Variants in GOLGA5 observed in about 807,000 individuals in gnomAD.
GOLGA5 encodes the protein golgin subfamily A member 5.
GOLGA5 carries 50 observed loss-of-function variants against 93.5 expected under a neutral mutation model. The observed-to-expected ratio is 0.53, with a 90% CI of 0.43 to 0.68. The LOEUF (loss-of-function observed/expected upper bound fraction) is 0.68, where lower values mean the gene tolerates loss of function less well. Among genes scored for constraint, GOLGA5 ranks in the 30% least tolerant of loss-of-function variants. The pLI, the probability that GOLGA5 is intolerant of heterozygous loss-of-function variation, is 0.00. For synonymous variants in GOLGA5, 312 were observed against 304.5 expected (o/e 1.02, Z -0.26); for missense variants, 760 against 856.4 (o/e 0.89, Z 1.40).
At chr14:92,815,823 C>A (rs1377251618) in intron 6 of GOLGA5, among the ~76,000 whole-genome samples, 1 of 151,594 alleles carries the variant, frequency 6.6e-6, no homozygotes, top group African/African-American at 2.4e-5. Context: ...TCTGCCTCAG[C>A]CTCCCTAGTA....
At chr14:92,798,669 A>T (rs1221155825) in intron 2 of GOLGA5, among the ~76,000 whole-genome samples, 1 of 152,230 alleles carries the variant, frequency 6.6e-6, no homozygotes, top group Non-Finnish European at 1.5e-5. Context: ...TAATCCGAGC[A>T]CTTTGGAACG....
rs541378166 is a variant in GOLGA5 at position 92,835,634 on chromosome 14, G to T, written c.2021G>T (p.Arg674Leu). The change falls in exon 11 of 13, where the codon CGC becomes CTC. Residue 674 changes from arginine to leucine, a missense_variant. Coordinates refer to ENST00000163416, the MANE Select transcript of GOLGA5 (RefSeq NM_005113.4). ...CTGGCAGGAATGTACGGAAAAGTTCGCAAAGCTGCTAGTTCAATTGATCAG... is the reference window on the plus strand; with the variant it reads ...CTGGCAGGAATGTACGGAAAAGTTCTCAAAGCTGCTAGTTCAATTGATCAG... ...TNLAGMYGKV[R>L]KAASSIDQFS... 1 of 1,611,702 alleles carries T rather than the reference G, an allele frequency of 6.2e-7. No individual in the cohort carries two copies. Among genetic ancestry groups the T allele is most frequent in the Non-Finnish European group, 8.5e-7 (1 of 1,178,016 alleles).
chr14:92,816,887 T>C (rs1766584692), intron 7 of GOLGA5, among the ~76,000 whole-genome samples: 1 of 151,914 alleles, frequency 6.6e-6, no homozygotes, highest in Admixed American at 6.6e-5. Context: ...TTTCTTTCTT[T>C]CTTTCCTTTC....
At position 92,809,406 on chromosome 14, in the gene GOLGA5, T is replaced by C; in HGVS notation, c.879T>C (p.Ala293=). 6.2e-7 allele frequency: 1 copy of C among 1,613,752 alleles called. No homozygotes were observed. The highest frequency in any genetic ancestry group is 8.5e-7 in the Non-Finnish European group (1 of 1,179,684). Residue 293 remains alanine (A), a synonymous_variant, in exon 4 of 13, where the codon GCT becomes GCC. Coordinates refer to ENST00000163416, the MANE Select transcript of GOLGA5 (RefSeq NM_005113.4). Reference sequence around the variant, plus strand: ...CCCAAGTAGATGACCTGACTGAAGCTGTGGCTGCAAAGGATTCCCAGCTGG... The same window carrying C: ...CCCAAGTAGATGACCTGACTGAAGCCGTGGCTGCAAAGGATTCCCAGCTGG... The part of the protein sequence containing the change: ...LRAQVDDLTE[A]VAAKDSQLAV...
chr14:92,838,281 G>A (rs1270397358), intron 12 of GOLGA5, among the ~76,000 whole-genome samples: 1 of 152,100 alleles, frequency 6.6e-6, no homozygotes, highest in African/African-American at 2.4e-5. Flanking sequence ...ATGAAAATGG[G>A]CTGTTTTCTT....
At chr14:92,821,169 T>C (rs1885309834) in intron 8 of GOLGA5, among the ~76,000 whole-genome samples, 1 of 152,220 alleles carries the variant, frequency 6.6e-6, no homozygotes, top group African/African-American at 2.4e-5. Context: ...AAACATATTA[T>C]ATTCATCAGT....
At chr14:92,823,005 G>A (rs1205164574) in intron 8 of GOLGA5, among the ~76,000 whole-genome samples, 3 of 152,008 alleles carry the variant, frequency 2.0e-5, no homozygotes, top group African/African-American at 7.3e-5. Flanking sequence ...TTTCTACCAA[G>A]GCTTCTGGAT....
At position 92,797,678 on chromosome 14, in the gene GOLGA5, A is replaced by G; in HGVS notation, c.241A>G (p.Thr81Ala). Residue 81 changes from threonine to alanine, a missense_variant, in exon 2 of 13, where the codon ACT becomes GCT. Physicochemically the swap from Thr to Ala is moderately conservative, Grantham distance 58 (BLOSUM62 0). Transcript: ENST00000163416. ...RNQKATILAG[T>A]ANVKVGSRTP... ...TCAAAAAGCCACCATCTTAGCTGGCACTGCAAATGTGAAAGTAGGATCTCG... is the reference window on the plus strand; with the variant it reads ...TCAAAAAGCCACCATCTTAGCTGGCGCTGCAAATGTGAAAGTAGGATCTCG... The G allele has an allele frequency of 6.2e-7, 1 of 1,614,126 alleles. No homozygotes were observed. The highest frequency in any genetic ancestry group is 8.5e-7 in the Non-Finnish European group (1 of 1,179,922).
rs1885720882 is a variant in GOLGA5, at chr14:92,839,803, C to T, written c.*357C>T. The T allele has an allele frequency of 5.7e-6, 1 of 175,942 alleles. No individual in the cohort carries two copies. Among genetic ancestry groups the T allele is most frequent in the Non-Finnish European group, 9.4e-6 (1 of 106,004 alleles). 10.9% of individuals were successfully genotyped at this position (175,942 alleles called of 1,614,324 possible). Reference sequence around the variant, plus strand: ...CAGGGAAACTAATTGTATTTAGTGACAAAAATAAAAAGTTTTTTTTTATAA... The same window carrying T: ...CAGGGAAACTAATTGTATTTAGTGATAAAAATAAAAAGTTTTTTTTTATAA... On this transcript the variant is annotated 3_prime_UTR_variant, in exon 13 of 13. Transcript: ENST00000163416.
At chr14:92,816,872 G>GTTTC (rs34176729) in intron 7 of GOLGA5, among the ~76,000 whole-genome samples, 549 of 152,186 alleles carry the variant, frequency 3.6e-3, no homozygotes, top group Middle Eastern at 0.017. Context: ...AAAGCAGTAG[G>GTTTC]TTTCTTTCTT....
rs1249174208 is a variant in GOLGA5, at chr14:92,824,654, A to AC, written c.1719+11dup. The AC allele has an allele frequency of 7.3e-7, 1 of 1,361,262 alleles. No homozygotes were observed. Among genetic ancestry groups the AC allele is most frequent in the East Asian group, 2.3e-5 (1 of 42,570 alleles). The allele number at this position is 1,361,262 out of a possible 1,614,324, so 84.3% of individuals were successfully genotyped here. A position where few individuals can be genotyped will look rare whatever the true frequency, so the allele number is the denominator to read the frequency against. ...AAAACTCAGGAATCAGGTATGAATC[A>AC]CTATTCACAACTTGTGAAAAGATGC... is the stretch of plus-strand genomic sequence containing the variant. On this transcript the variant is annotated intron_variant, in intron 9 of 12. Transcript: ENST00000163416.
chr14:92,816,232 ATTTC>A lies in GOLGA5; in HGVS notation c.1321-16_1321-13del, dbSNP rs769674355. ...ACTAATCTCTGCTTTGCTTAAACAT[ATTTC>A]TTCTTTTATAATAGTCTAAGGAAAA... On this transcript the variant is annotated splice_polypyrimidine_tract_variant and intron_variant, in intron 6 of 12. Coordinates refer to ENST00000163416, the MANE Select transcript of GOLGA5 (RefSeq NM_005113.4). 5.6e-5 allele frequency: 87 copies of A among 1,558,356 alleles called. 2 individuals are homozygous for A. The South Asian group carries it at 5.8e-4, about 10-fold the overall frequency.
At position 92,824,591 on chromosome 14, in the gene GOLGA5, T is replaced by C. The variant is rs1258324902; in HGVS notation, c.1666T>C (p.Leu556=). ...AGATCTTTATCGAACAAAGAACACA[T>C]TGCAAAGCAGAATTAAAGATCGAGA... ...EEDLYRTKNT[L]QSRIKDRDEE... Residue 556 remains leucine (L), a synonymous_variant, in exon 9 of 13, where the codon TTG becomes CTG. Coordinates refer to ENST00000163416, the MANE Select transcript of GOLGA5 (RefSeq NM_005113.4). The C allele has an allele frequency of 1.2e-6, 2 of 1,606,606 alleles. No homozygotes were observed. The highest frequency in any genetic ancestry group is 1.7e-6 in the Non-Finnish European group (2 of 1,174,818).
At chr14:92,832,518 A>G (rs1050777899) in intron 9 of GOLGA5, among the ~76,000 whole-genome samples, 17 of 152,236 alleles carry the variant, frequency 1.1e-4, no homozygotes, top group African/African-American at 3.9e-4. Flanking sequence ...TCCTAGGACA[A>G]CTATCATTTA....
At chr14:92,806,201 G>C (rs991363786) in intron 2 of GOLGA5, among the ~76,000 whole-genome samples, 12 of 152,154 alleles carry the variant, frequency 7.9e-5, no homozygotes, top group Admixed American at 7.9e-4. Flanking sequence ...GTGTTGTACT[G>C]TCTGTTGTCA....
chr14:92,810,264 G>T lies in GOLGA5; in HGVS notation c.1003G>T (p.Asp335Tyr). 6.2e-7 allele frequency: 1 copy of T among 1,602,878 alleles called. No individual in the cohort carries two copies. Among genetic ancestry groups the T allele is most frequent in the African/African-American group, 1.3e-5 (1 of 74,518 alleles). Residue 335 changes from aspartate (D) to tyrosine (Y), a missense_variant, in exon 5 of 13, where the codon GAT becomes TAT. Physicochemically the swap from Asp to Tyr is radical, Grantham distance 160 (BLOSUM62 -3). Coordinates refer to ENST00000163416, the MANE Select transcript of GOLGA5 (RefSeq NM_005113.4). ...TGCATTTTCCTTTAGAATAATGCAG[G>T]ATCAAAGTGAAGGTAACAGCCTGCA... ...LQSEKSRIMQDQSEGNSLQNQ... is the reference protein window; with the variant it reads ...LQSEKSRIMQYQSEGNSLQNQ...
intron 9 of GOLGA5, among the ~76,000 whole-genome samples, chr14:92,825,295 CTT>C (rs1885395070): frequency 6.6e-6 from 1 of 152,082 alleles, no homozygotes; most frequent in African/African-American, 2.4e-5. Context: ...TAATTTTGGT[CTT>C]TTAAGTTTCC....
At chr14:92,835,856 A>G (rs868338710) in intron 11 of GOLGA5, among the ~76,000 whole-genome samples, 192 bp downstream of exon 11, 6 of 152,192 alleles carry the variant, frequency 3.9e-5, no homozygotes, top group Admixed American at 6.5e-5. Flanking sequence ...GACTTCTTTC[A>G]TGATATTTGA....
chr14:92,828,550 A>G (rs1885465567), intron 9 of GOLGA5, among the ~76,000 whole-genome samples: 1 of 152,248 alleles, frequency 6.6e-6, no homozygotes, highest in Non-Finnish European at 1.5e-5. Context: ...GTTGTTTATG[A>G]AAACATTTTT....
Sources: gnomAD v4.1 joint callset for allele counts (sites outside exome capture counted in the v4.1 genomes callset) on GRCh38, gnomAD v4.1.1 for gene constraint, MANE v1.5 for transcripts, NCBI Gene and HGNC (gene_info 2026-07-23, HGNC 2026-07-21) for gene names.